Variants in NCAPG2 observed in about 807,000 individuals in gnomAD.
NCAPG2 encodes the protein non-SMC condensin II complex subunit G2.
Under a neutral mutation model 141.1 loss-of-function variants are expected in NCAPG2, and 53 were observed. The observed-to-expected ratio is 0.38, with a 90% confidence interval of 0.30 to 0.47. NCAPG2 has a LOEUF of 0.47. NCAPG2 is among the 20% of genes least tolerant of loss of function. NCAPG2 has a pLI of 0.99. For missense variants in NCAPG2, 1,087 were observed against 1,389.0 expected (o/e 0.78, Z 3.46); for synonymous variants, 499 against 490.7 (o/e 1.02, Z -0.22).
Position 158,686,261 on chromosome 7 carries a change from T to C in NCAPG2, c.768-20A>G, listed in dbSNP as rs185498477. 140 of 1,368,552 alleles carry C rather than the reference T, an allele frequency of 1.0e-4. No individual in the cohort carries two copies. In the African/African-American group the frequency reaches 1.9e-3, roughly 19 times the overall value. 84.8% of individuals were successfully genotyped at this position (1,368,552 alleles called of 1,614,324 possible). On this transcript the variant is annotated intron_variant, in intron 7 of 27. Transcript: ENST00000356309. ...AAAGACCTATATAAAAAGATCAAAATAGTTTTAATGCAAATTTTAAGAATT... is the reference window on the plus strand; with the variant it reads ...AAAGACCTATATAAAAAGATCAAAACAGTTTTAATGCAAATTTTAAGAATT...
In NCAPG2 at chr7:158,701,141, C is replaced by T. The variant is rs75319502; in HGVS notation, c.78+681G>A. Among the ~76,000 whole-genome samples, 739 of 152,300 alleles carry T rather than the reference C, an allele frequency of 4.9e-3. 43 individuals carry two copies. The East Asian group carries it at 0.11, about 24-fold the overall frequency. On this transcript the variant is annotated intron_variant, in intron 2 of 27. Transcript: ENST00000356309. ...CTGAATGGTACTACACAGTCAGACGCCTGGGCCCTTCCCCACCATATCCAT... is the reference window on the plus strand; with the variant it reads ...CTGAATGGTACTACACAGTCAGACGTCTGGGCCCTTCCCCACCATATCCAT...
chr7:158,656,200 C>T, intron 19 of NCAPG2, 60 bp downstream of exon 19: 7 of 1,558,762 alleles, frequency 4.5e-6, no homozygotes, highest in Non-Finnish European at 6.1e-6. Flanking sequence ...AAGCTTCACA[C>T]TTTGATTTGT....
chr7:158,695,806 C>A (rs1835406744), intron 2 of NCAPG2, among the ~76,000 whole-genome samples: 1 of 152,274 alleles, frequency 6.6e-6, no homozygotes, highest in Admixed American at 6.5e-5. Flanking sequence ...CACGTGCAGA[C>A]TAGCGAGCTG....
In NCAPG2 at chr7:158,646,475, G is replaced by A; in HGVS notation, c.3164C>T (p.Ser1055Phe). ...AAGTGATTACCTGACCACATTCGAAGACTTTATTATTATTCCTATTAAACA... is the reference window on the plus strand; with the variant it reads ...AAGTGATTACCTGACCACATTCGAAAACTTTATTATTATTCCTATTAAACA... ...SRCLIGIIIK[S>F]SNVVRSFLDE... The change falls in exon 25 of 28, where the codon TCT becomes TTT. Residue 1055 changes from serine (S) to phenylalanine (F), a missense_variant. Coordinates refer to ENST00000356309, the MANE Select transcript of NCAPG2 (RefSeq NM_017760.7). 1.2e-6 allele frequency: 2 copies of A among 1,600,250 alleles called. No homozygotes were observed. The highest frequency in any genetic ancestry group is 1.7e-6 in the Non-Finnish European group (2 of 1,174,824).
chr7:158,637,570 C>CTGTGGCCCACCCCA (rs1830358458), intron 27 of NCAPG2, among the ~76,000 whole-genome samples: 1 of 152,256 alleles, frequency 6.6e-6, no homozygotes, highest in Non-Finnish European at 1.5e-5. Flanking sequence ...GGCTTTCCAG[C>CTGTGGCCCACCCCA]TCCGGCTCCA....
chr7:158,652,405 G>C lies in NCAPG2; in HGVS notation c.2822C>G (p.Thr941Arg). ...EITGSSLIQK[T>R]DSDEEVAMLL... ...CATTGCAACTTCTTCATCTGAATCT[G>C]TTTTCTGAATCAAGGAACTTCCAGT... The change falls in exon 23 of 28, where the codon ACA becomes AGA. Residue 941 changes from threonine (T) to arginine (R), a missense_variant. Thr to Arg is a moderately conservative substitution (Grantham distance 71). Transcript: ENST00000356309. 1 of 1,613,384 alleles carries C rather than the reference G, an allele frequency of 6.2e-7. No homozygotes were observed. Among genetic ancestry groups the C allele is most frequent in the South Asian group, 1.1e-5 (1 of 90,976 alleles).
intron 8 of NCAPG2, among the ~76,000 whole-genome samples, chr7:158,683,733 C>T (rs76876470): frequency 7.4e-4 from 113 of 152,332 alleles, no homozygotes; most frequent in African/African-American, 2.6e-3. Flanking sequence ...CCTCTTCTGA[C>T]TCATCACTGA....
chr7:158,699,996 T>C (rs540602751), intron 2 of NCAPG2, among the ~76,000 whole-genome samples: 1 of 152,284 alleles, frequency 6.6e-6, no homozygotes, highest in African/African-American at 2.4e-5. Context: ...TGGTAATGCA[T>C]GTGTGGGATT....
At position 158,631,332 on chromosome 7, in the gene NCAPG2, C is replaced by G. The variant is rs1233324522; in HGVS notation, c.*334G>C. 3.6e-6 allele frequency: 1 copy of G among 276,646 alleles called. No individual in the cohort carries two copies. The highest frequency in any genetic ancestry group is 5.2e-5 in the Admixed American group (1 of 19,298). 17.1% of individuals were successfully genotyped at this position (276,646 alleles called of 1,614,324 possible). A position where few individuals can be genotyped will look rare whatever the true frequency, so the allele number is the denominator to read the frequency against. On this transcript the variant is annotated 3_prime_UTR_variant, in exon 28 of 28. Coordinates refer to ENST00000356309, the MANE Select transcript of NCAPG2 (RefSeq NM_017760.7). ...AATGGATGTTGTCATTGCTTTATTA[C>G]TCATAGTTTCCAAGCAATATTACAT... is the stretch of plus-strand genomic sequence containing the variant.
In NCAPG2 at chr7:158,633,594, C is replaced by T. The variant is rs1027269341; in HGVS notation, c.3381-1877G>A. 6.6e-6 allele frequency among the ~76,000 whole-genome samples: 1 copy of T among 152,150 alleles called. No homozygotes were observed. The highest frequency in any genetic ancestry group is 1.5e-5 in the Non-Finnish European group (1 of 68,040). ...ACCTGCTGCCTCAGGGTCTCCTGCC[C>T]ATTCCCTGAGTCCCCCAAGGAGAAG... On this transcript the variant is annotated intron_variant, in intron 27 of 27. Transcript: ENST00000356309. This position sits in a 1 kb window ranked among gnomAD's most constrained non-coding sequence, Gnocchi z 4.1.
chr7:158,701,373 C>T (rs1409673247), intron 2 of NCAPG2, among the ~76,000 whole-genome samples: 1 of 152,126 alleles, frequency 6.6e-6, no homozygotes, highest in Non-Finnish European at 1.5e-5. Flanking sequence ...CACTAGTTCT[C>T]TCTCCTTCTC....
rs1442708077 is a variant in NCAPG2, at chr7:158,637,542, G to GCGGGAC, written c.3381-5826_3381-5825insGTCCCG. On this transcript the variant is annotated intron_variant, in intron 27 of 27. Transcript: ENST00000356309. ...CCATCCGAGCCACACACAGGAGCCT[G>GCGGGAC]TGGGACTCAAGAGAGTAGGCTTTCC... Among the ~76,000 whole-genome samples, 1,156 of 151,976 alleles carry GCGGGAC rather than the reference G, an allele frequency of 7.6e-3. 41 individuals carry two copies. The highest frequency in any genetic ancestry group is 0.012 in the African/African-American group (512 of 41,400).
In NCAPG2 at chr7:158,664,314, A is replaced by G; in HGVS notation, c.1703-18T>C. On this transcript the variant is annotated intron_variant, in intron 14 of 27. Transcript: ENST00000356309. Reference sequence around the variant, plus strand: ...CAGCTTTGCTGAAATGTTTAGGATAAACAAGAATTAATGGATGTGTTTCTT... The same window carrying G: ...CAGCTTTGCTGAAATGTTTAGGATAGACAAGAATTAATGGATGTGTTTCTT... 1.3e-6 allele frequency: 2 copies of G among 1,586,254 alleles called. No homozygotes were observed. The highest frequency in any genetic ancestry group is 1.7e-6 in the Non-Finnish European group (2 of 1,154,826).
chr7:158,631,903 G>A (rs1829913313), intron 27 of NCAPG2, among the ~76,000 whole-genome samples, 186 bp from the exon 28 acceptor site: 1 of 152,174 alleles, frequency 6.6e-6, no homozygotes, highest in Non-Finnish European at 1.5e-5. Context: ...CCCCACAGCA[G>A]TCAGGACACA....
chr7:158,632,270 G>A (rs780271747), intron 27 of NCAPG2, among the ~76,000 whole-genome samples: 1 of 152,206 alleles, frequency 6.6e-6, no homozygotes, highest in African/African-American at 2.4e-5. Context: ...TTGGCTGAGA[G>A]CACTGAGTAC....
chr7:158,658,573 AG>A (rs1478807588), intron 16 of NCAPG2, among the ~76,000 whole-genome samples, 165 bp from the exon 17 acceptor site: 22 of 152,198 alleles, frequency 1.4e-4, no homozygotes, highest in Admixed American at 1.4e-3. Context: ...CTCATGTTTG[AG>A]GGGCAGAGAA....
At chr7:158,687,639 C>A (rs928268966) in intron 6 of NCAPG2, among the ~76,000 whole-genome samples, 197 bp from the exon 7 acceptor site, 20 of 152,214 alleles carry the variant, frequency 1.3e-4, no homozygotes, top group African/African-American at 4.6e-4. Context: ...AAGCCACCTC[C>A]CCCAGGGCCG....
intron 11 of NCAPG2, among the ~76,000 whole-genome samples, chr7:158,678,725 G>C (rs1415327063): frequency 9.3e-6 from 1 of 107,526 alleles, no homozygotes; most frequent in African/African-American, 4.2e-5. Context: ...TAAAAATAAG[G>C]AATCTTTAAA....
intron 13 of NCAPG2, among the ~76,000 whole-genome samples, chr7:158,669,735 C>T (rs1389297091): frequency 1.5e-5 from 2 of 133,282 alleles, no homozygotes; most frequent in African/African-American, 5.6e-5. Context: ...TGCCATTGCA[C>T]CCCAGCCTGG....
Sources: allele counts gnomAD v4.1 joint callset (sites outside exome capture counted in the v4.1 genomes callset), GRCh38; gene constraint gnomAD v4.1.1; non-coding constraint Gnocchi (gnomAD v3.1); transcripts MANE v1.5; gene names NCBI Gene and HGNC (gene_info 2026-07-23, HGNC 2026-07-21).